Variants in PCDHA8 observed in about 807,000 individuals in gnomAD.
The protein encoded by PCDHA8 is protocadherin alpha 8.
Under a neutral mutation model 61.8 loss-of-function variants are expected in PCDHA8, and 53 were observed. That is an observed-to-expected ratio of 0.86 (90% CI 0.69 to 1.08). The LOEUF (loss-of-function observed/expected upper bound fraction) is 1.08. Ranked by LOEUF, PCDHA8 falls within the 50% of genes least tolerant of loss-of-function variation. The pLI, the probability that PCDHA8 is intolerant of heterozygous loss-of-function variation, is 0.00. For synonymous variants in PCDHA8, 618 were observed against 556.6 expected, an observed-to-expected ratio of 1.11 and a Z score of -1.55; for missense variants, 1,293 against 1,245.0, an observed-to-expected ratio of 1.04 and a Z score of -0.58.
rs2150411211 is a variant in PCDHA8, at chr5:140,848,488, T to C, written c.2394+4773T>C. The C allele has an allele frequency of 1.0e-5, 16 of 1,574,158 alleles. 1 individual carries two copies. The highest frequency in any genetic ancestry group is 3.4e-4 in the Middle Eastern group (2 of 5,918). On this transcript the variant is annotated intron_variant, in intron 1 of 3. Coordinates refer to ENST00000531613, the MANE Select transcript of PCDHA8 (RefSeq NM_018911.3). ...TTTCACTAATTAGAAGAAGACTGAG[T>C]ATTTGAAATGTTATACTCAAGTCGA... is the stretch of plus-strand genomic sequence containing the variant.
intron 1 of PCDHA8, among the ~76,000 whole-genome samples, chr5:140,918,114 G>C (rs989175486): frequency 5.8e-4 from 89 of 152,144 alleles, no homozygotes; most frequent in African/African-American, 2.1e-3. Flanking sequence ...TCACATCCTT[G>C]ATTAGCCATA....
At chr5:140,956,754 C>T (rs1470553559) in intron 1 of PCDHA8, among the ~76,000 whole-genome samples, 5 of 152,140 alleles carry the variant, frequency 3.3e-5, no homozygotes, top group African/African-American at 1.2e-4. Flanking sequence ...TGATAGAATT[C>T]AGCTGTAAAT....
intron 1 of PCDHA8, chr5:140,927,024 G>A (rs1554203920): frequency 6.2e-7 from 1 of 1,612,408 alleles, no homozygotes. Flanking sequence ...CGGACTTGAG[G>A]CTGCCAGCGG....
At chr5:140,854,786 T>C (rs1450624058) in intron 1 of PCDHA8, 1 of 149,564 alleles carries the variant, frequency 6.7e-6, no homozygotes, top group Admixed American at 6.7e-5. Context: ...TTCAAGAACT[T>C]TGAGAGAGAA....
chr5:140,993,596 A>G (rs562427268), intron 3 of PCDHA8, among the ~76,000 whole-genome samples: 53 of 152,194 alleles, frequency 3.5e-4, no homozygotes, highest in Admixed American at 2.6e-4. Flanking sequence ...CTTGGCTCCA[A>G]TAGAGAATTT....
At chr5:140,867,200 A>G (rs1239575601) in intron 1 of PCDHA8, 1 of 152,126 alleles carries the variant, frequency 6.6e-6, no homozygotes, top group African/African-American at 2.4e-5. Context: ...TCCACATTCC[A>G]TGTAACATCT....
chr5:140,939,967 C>T (rs527732118), intron 1 of PCDHA8, among the ~76,000 whole-genome samples: 8 of 152,210 alleles, frequency 5.3e-5, no homozygotes, highest in African/African-American at 1.7e-4. Context: ...AAGTGTTCCA[C>T]GATGAATAGT....
At chr5:140,869,616 G>C (rs1554163306) in intron 1 of PCDHA8, 1 of 1,613,734 alleles carries the variant, frequency 6.2e-7, no homozygotes, top group Non-Finnish European at 8.5e-7. Context: ...TGACCTACAG[G>C]CTAAGTAAAA....
intron 1 of PCDHA8, chr5:140,857,682 G>T (rs1554150517): frequency 2.5e-6 from 4 of 1,596,980 alleles, no homozygotes; most frequent in Middle Eastern, 1.8e-4. Context: ...CCGCCTCTGG[G>T]CAGCAACTTG....
chr5:140,971,943 A>T (rs2096507947), intron 1 of PCDHA8, among the ~76,000 whole-genome samples: 1 of 152,186 alleles, frequency 6.6e-6, no homozygotes, highest in Non-Finnish European at 1.5e-5. Flanking sequence ...AGTTGTATCC[A>T]TCTGACTCCA....
chr5:140,996,403 G>A (rs2097725218), intron 3 of PCDHA8, among the ~76,000 whole-genome samples: 2 of 152,216 alleles, frequency 1.3e-5, no homozygotes, highest in South Asian at 4.1e-4. Context: ...AGTTTCAGGT[G>A]GGGCAGGCAG....
At chr5:140,913,447 CG>C (rs2076342854) in intron 1 of PCDHA8, among the ~76,000 whole-genome samples, 1 of 152,026 alleles carries the variant, frequency 6.6e-6, no homozygotes, top group Non-Finnish European at 1.5e-5. Context: ...TTTTCAGCTC[CG>C]ATTTTATTTA....
intron 1 of PCDHA8, among the ~76,000 whole-genome samples, chr5:140,891,067 C>G (rs2062935872): frequency 6.6e-6 from 1 of 152,096 alleles, no homozygotes; most frequent in Admixed American, 6.6e-5. Flanking sequence ...AAATATTATT[C>G]CAGTGTCTAC....
rs189901944 is a variant in PCDHA8, at chr5:140,916,206, G to A, written c.2395-62743G>A. 4.6e-3 allele frequency among the ~76,000 whole-genome samples: 705 copies of A among 152,282 alleles called. 3 individuals carry two copies. The highest frequency in any genetic ancestry group is 0.016 in the African/African-American group (682 of 41,562). ...AGGAAGTGGGCACCCCTCTGCCCTG[G>A]GGAAGATCCAAATATGCTTTCCAGG... On this transcript the variant is annotated intron_variant, in intron 1 of 3. Transcript: ENST00000531613.
At chr5:140,913,789 T>C (rs2076466373) in intron 1 of PCDHA8, among the ~76,000 whole-genome samples, 1 of 152,176 alleles carries the variant, frequency 6.6e-6, no homozygotes, top group African/African-American at 2.4e-5. Context: ...CCATTATCAT[T>C]TGTTTGAATC....
rs113142258 is a variant in PCDHA8, at chr5:140,939,756, T to C, written c.2395-39193T>C. 3.3e-3 allele frequency among the ~76,000 whole-genome samples: 504 copies of C among 152,358 alleles called. 2 individuals carry two copies. Among genetic ancestry groups the C allele is most frequent in the African/African-American group, 0.012 (483 of 41,584 alleles). Reference sequence around the variant, plus strand: ...AGCTGTGTATCATTCATTGTCATTATATAGTATTTCAGGGTGTGAATGGTC... The same window carrying C: ...AGCTGTGTATCATTCATTGTCATTACATAGTATTTCAGGGTGTGAATGGTC... On this transcript the variant is annotated intron_variant, in intron 1 of 3. Transcript: ENST00000531613.
chr5:140,918,107 C>T (rs2078522550), intron 1 of PCDHA8, among the ~76,000 whole-genome samples: 1 of 152,132 alleles, frequency 6.6e-6, no homozygotes. Flanking sequence ...AGATCTTTCA[C>T]ATCCTTGATT....
intron 3 of PCDHA8, among the ~76,000 whole-genome samples, chr5:140,998,657 T>G (rs1252646330): frequency 6.6e-6 from 1 of 151,974 alleles, no homozygotes; most frequent in African/African-American, 2.4e-5. Flanking sequence ...CTCTGCCTCC[T>G]GGGTTCAAGT....
intron 3 of PCDHA8, among the ~76,000 whole-genome samples, chr5:141,004,378 G>C (rs914260481): frequency 6.6e-6 from 1 of 152,316 alleles, no homozygotes; most frequent in South Asian, 2.1e-4. Context: ...TCTGCTCTGC[G>C]GAAGCTGGAC....
Sources: gnomAD v4.1 joint callset for allele counts (sites outside exome capture counted in the v4.1 genomes callset) on GRCh38, gnomAD v4.1.1 for gene constraint, MANE v1.5 for transcripts, NCBI Gene and HGNC (gene_info 2026-07-23, HGNC 2026-07-21) for gene names.